Variants in NTN4 observed in about 807,000 individuals in gnomAD.
NTN4 encodes netrin-4.
Under a neutral mutation model 73.6 loss-of-function variants are expected in NTN4, and 32 were observed. That is an observed-to-expected ratio of 0.44 (90% CI 0.33 to 0.58). NTN4 has a LOEUF of 0.58. Among genes scored for constraint, NTN4 ranks in the 20% least tolerant of loss-of-function variants. NTN4 has a pLI of 0.04. For synonymous variants in NTN4, 258 were observed against 287.5 expected (o/e 0.90, Z 1.04); for missense variants, 654 against 798.3 (o/e 0.82, Z 2.18).
chr12:95,681,214 A>T lies in NTN4; in HGVS notation c.1510+1493T>A, dbSNP rs2078313474. Reference sequence around the variant, plus strand: ...AAAAAAAAAAAAAAAAAAAAAGAGTAGATATCATGTGCATGGAATTCTGAA... The same window carrying T: ...AAAAAAAAAAAAAAAAAAAAAGAGTTGATATCATGTGCATGGAATTCTGAA... On this transcript the variant is annotated intron_variant, in intron 7 of 9. Transcript: ENST00000343702. Among the ~76,000 whole-genome samples, 5 of 149,444 alleles carry T rather than the reference A, an allele frequency of 3.3e-5. 1 individual carries two copies. The South Asian group carries it at 1.1e-3, about 31-fold the overall frequency.
chr12:95,660,258 G>A (rs549815302), intron 9 of NTN4, among the ~76,000 whole-genome samples: 23 of 152,142 alleles, frequency 1.5e-4, no homozygotes, highest in African/African-American at 5.1e-4. Context: ...CAGGTGATCT[G>A]CCTGCCTCGG....
intron 5 of NTN4, among the ~76,000 whole-genome samples, chr12:95,699,188 A>AT (rs1334362968): frequency 5.3e-5 from 8 of 152,218 alleles, no homozygotes; most frequent in Non-Finnish European, 1.0e-4. Context: ...TGTTGTTTAT[A>AT]TGGTATAAAA....
intron 3 of NTN4, among the ~76,000 whole-genome samples, chr12:95,735,149 C>A (rs2078766676): frequency 6.6e-6 from 1 of 152,206 alleles, no homozygotes. Context: ...CAAATACACC[C>A]AAGCTTAGGG....
In NTN4 at chr12:95,663,047, G is replaced by A. The variant is rs146948128; in HGVS notation, c.1750+2763C>T. ...AGGCGGGAGGATTGCTTGAGCCTGG[G>A]AGGTCGAGGCTGCAGTGAGCAGTGA... is the stretch of plus-strand genomic sequence containing the variant. On this transcript the variant is annotated intron_variant, in intron 9 of 9. Coordinates refer to ENST00000343702, the MANE Select transcript of NTN4 (RefSeq NM_021229.4). Among the ~76,000 whole-genome samples, 680 of 152,172 alleles carry A rather than the reference G, an allele frequency of 4.5e-3. 5 individuals carry two copies. The highest frequency in any genetic ancestry group is 0.016 in the African/African-American group (652 of 41,518).
chr12:95,735,194 C>T (rs1373271396), intron 3 of NTN4, among the ~76,000 whole-genome samples: 2 of 152,178 alleles, frequency 1.3e-5, no homozygotes, highest in Non-Finnish European at 2.9e-5. Context: ...ATTCACATTT[C>T]CAACCGTGGC....
At chr12:95,729,246 A>T (rs2078717880) in intron 3 of NTN4, among the ~76,000 whole-genome samples, 1 of 151,258 alleles carries the variant, frequency 6.6e-6, no homozygotes, top group Admixed American at 6.6e-5. Flanking sequence ...AAATATAATA[A>T]TTTTTTCCAT....
intron 2 of NTN4, among the ~76,000 whole-genome samples, chr12:95,771,148 C>A (rs2079056475): frequency 6.6e-6 from 1 of 151,984 alleles, no homozygotes; most frequent in Non-Finnish European, 1.5e-5. Flanking sequence ...TGCTACCACG[C>A]CCGGCTAATT....
intron 5 of NTN4, 74 bp downstream of exon 5, chr12:95,710,367 T>A: frequency 8.1e-7 from 1 of 1,234,484 alleles, no homozygotes; most frequent in Non-Finnish European, 1.1e-6. Context: ...TCTTTTGGGT[T>A]AGCAGAATGA....
At chr12:95,703,860 T>C (rs1411577263) in intron 5 of NTN4, among the ~76,000 whole-genome samples, 2 of 152,210 alleles carry the variant, frequency 1.3e-5, no homozygotes, top group African/African-American at 4.8e-5. Flanking sequence ...TGGCTAACTC[T>C]GAAAAATTTA....
chr12:95,767,439 C>T (rs955179549), intron 2 of NTN4, among the ~76,000 whole-genome samples: 8 of 152,038 alleles, frequency 5.3e-5, no homozygotes, highest in South Asian at 2.1e-4. Flanking sequence ...CCTCTCTCAC[C>T]GAAGAAAGTT....
At chr12:95,779,979 C>T (rs1470372939) in intron 2 of NTN4, among the ~76,000 whole-genome samples, 2 of 152,090 alleles carry the variant, frequency 1.3e-5, no homozygotes, top group African/African-American at 2.4e-5. Context: ...AGAACAGAGG[C>T]CTCAGAAATA....
intron 2 of NTN4, among the ~76,000 whole-genome samples, chr12:95,769,236 T>C (rs2079039567): frequency 6.6e-6 from 1 of 151,914 alleles, no homozygotes; most frequent in East Asian, 1.9e-4. Flanking sequence ...AACAGTGAGA[T>C]TGAGCTGGGA....
intron 2 of NTN4, among the ~76,000 whole-genome samples, chr12:95,752,617 A>G (rs1290603381): frequency 1.3e-5 from 2 of 149,736 alleles, no homozygotes; most frequent in African/African-American, 2.5e-5. Context: ...ATAAAAACAC[A>G]CGTGCTCTCC....
chr12:95,713,254 C>G lies in NTN4; in HGVS notation c.949G>C (p.Glu317Gln). The change falls in exon 4 of 10, where the codon GAG (glutamate) becomes CAG (glutamine). Residue 317 changes from glutamate (E) to glutamine (Q), a missense_variant. Transcript: ENST00000343702. ...GCCCCCGTTTTGCCATCAGCTGCCT[C>G]CCATGGCCGGTCATTGTATAACGGG... ...CAPLYNDRPWEAADGKTGAPN... is the reference protein window; with the variant it reads ...CAPLYNDRPWQAADGKTGAPN... 6.2e-7 allele frequency: 1 copy of G among 1,613,628 alleles called. No individual in the cohort carries two copies. The highest frequency in any genetic ancestry group is 8.5e-7 in the Non-Finnish European group (1 of 1,179,584).
intron 3 of NTN4, among the ~76,000 whole-genome samples, chr12:95,737,128 T>C (rs897738940): frequency 9.9e-5 from 15 of 152,222 alleles, no homozygotes; most frequent in African/African-American, 3.4e-4. Flanking sequence ...AGCCACTCTG[T>C]ATCTTTTCTG....
Position 95,738,056 on chromosome 12 carries a change from C to A in NTN4, c.674G>T (p.Arg225Leu). Residue 225 changes from arginine (R) to leucine (L), a missense_variant, in exon 3 of 10, where the codon CGC (arginine) becomes CTC (leucine). Physicochemically the swap from Arg to Leu is moderately radical, Grantham distance 102. Transcript: ENST00000343702. ...VQEQLKITNL[R>L]VQLLKRQSCP... ...AGACTGTCGTTTCAGCAGCTGCACG[C>A]GAAGGTTGGTGATCTTCAGCTGCTC... 6.2e-7 allele frequency: 1 copy of A among 1,614,074 alleles called. No individual in the cohort carries two copies. The highest frequency in any genetic ancestry group is 2.2e-5 in the East Asian group (1 of 44,882).
chr12:95,767,882 A>G (rs1047366183), intron 2 of NTN4, among the ~76,000 whole-genome samples: 1 of 152,166 alleles, frequency 6.6e-6, no homozygotes, highest in African/African-American at 2.4e-5. Flanking sequence ...GATGTAACCC[A>G]TGACATCGTC....
intron 5 of NTN4, among the ~76,000 whole-genome samples, chr12:95,695,404 GC>G (rs919284792): frequency 1.3e-5 from 2 of 151,940 alleles, no homozygotes; most frequent in Non-Finnish European, 2.9e-5. Flanking sequence ...TTGCTCTGTC[GC>G]CCAGGCTGGA....
intron 7 of NTN4, among the ~76,000 whole-genome samples, chr12:95,674,879 C>G (rs2078261082): frequency 6.6e-6 from 1 of 152,210 alleles, no homozygotes; most frequent in Non-Finnish European, 1.5e-5. Flanking sequence ...AGTCTGCAGT[C>G]ATTCTGGTGC....
Sources: gnomAD v4.1 joint callset for allele counts (sites outside exome capture counted in the v4.1 genomes callset) on GRCh38, gnomAD v4.1.1 for gene constraint, MANE v1.5 for transcripts, NCBI Gene and HGNC (gene_info 2026-07-23, HGNC 2026-07-21) for gene names.